CHRNA7: variants seen among roughly 807,000 people sequenced by gnomAD.
The protein encoded by CHRNA7 is cholinergic receptor nicotinic alpha 7 subunit, also known as neuronal acetylcholine receptor subunit alpha-7.
CHRNA7 carries 17 observed loss-of-function variants against 48.0 expected under a neutral mutation model. The observed-to-expected ratio is 0.35, with a 90% CI of 0.24 to 0.53. The LOEUF (loss-of-function observed/expected upper bound fraction) is 0.53. Ranked by LOEUF, CHRNA7 falls within the 20% of genes least tolerant of loss-of-function variation. CHRNA7 has a pLI of 0.92. For synonymous variants in CHRNA7, 75 were observed against 242.3 expected, an observed-to-expected ratio of 0.31 and a Z score of 6.41; for missense variants, 155 against 577.7, an observed-to-expected ratio of 0.27 and a Z score of 7.50.
At chr15:32,123,721 G>A (rs1005615132) in intron 4 of CHRNA7, among the ~76,000 whole-genome samples, 4 of 151,996 alleles carry the variant, frequency 2.6e-5, no homozygotes, top group African/African-American at 7.3e-5. Context: ...CCTAGAAACC[G>A]ATTTGTTCTT....
chr15:32,124,373 G>A (rs745921142), intron 4 of CHRNA7, among the ~76,000 whole-genome samples: 13 of 152,144 alleles, frequency 8.5e-5, no homozygotes, highest in Non-Finnish European at 1.3e-4. Flanking sequence ...CAGTGTGACT[G>A]CAAAAAATAC....
At chr15:32,036,418 C>T (rs1283228956) in intron 2 of CHRNA7, among the ~76,000 whole-genome samples, 1 of 152,118 alleles carries the variant, frequency 6.6e-6, no homozygotes, top group East Asian at 1.9e-4. Context: ...TTTACGTGAA[C>T]ATAAGGTTTC....
rs1233333057 is a variant in CHRNA7, at chr15:32,170,375, C to G, written c.*1917C>G. 1.4e-5 allele frequency: 2 copies of G among 143,654 alleles called. No homozygotes were observed. The highest frequency in any genetic ancestry group is 1.4e-4 in the Admixed American group (2 of 14,418). 8.9% of individuals were successfully genotyped at this position (143,654 alleles called of 1,614,324 possible). On this transcript the variant is annotated 3_prime_UTR_variant, in exon 10 of 10. Coordinates refer to ENST00000306901, the MANE Select transcript of CHRNA7 (RefSeq NM_000746.6). ...GGCGGCTTGGAGCAGGATCATTCCTCAGCAGGCATTCCTTCCACATGCTAT... is the reference window on the plus strand; with the variant it reads ...GGCGGCTTGGAGCAGGATCATTCCTGAGCAGGCATTCCTTCCACATGCTAT...
chr15:32,071,654 T>A (rs1263606681), intron 2 of CHRNA7, among the ~76,000 whole-genome samples: 1 of 152,084 alleles, frequency 6.6e-6, no homozygotes, highest in Non-Finnish European at 1.5e-5. Flanking sequence ...GAGCTGGTTG[T>A]TCAAAAGAGC....
chr15:32,080,399 G>A (rs968080654), intron 2 of CHRNA7, among the ~76,000 whole-genome samples: 2 of 152,108 alleles, frequency 1.3e-5, no homozygotes, highest in Admixed American at 6.6e-5. Context: ...CTGTCCATCT[G>A]ACAAAGGTCT....
chr15:32,063,905 G>A (rs1028064198), intron 2 of CHRNA7, among the ~76,000 whole-genome samples: 1 of 152,160 alleles, frequency 6.6e-6, no homozygotes, highest in African/African-American at 2.4e-5. Context: ...TTCTCCATTT[G>A]TGGATCCAGA....
intron 2 of CHRNA7, among the ~76,000 whole-genome samples, chr15:32,097,253 C>G (rs910210057): frequency 1.3e-5 from 2 of 152,102 alleles, no homozygotes; most frequent in Non-Finnish European, 2.9e-5. Context: ...GCAGGAATAG[C>G]CAGGGGGGCA....
chr15:32,150,318 A>G (rs554523564), intron 4 of CHRNA7, among the ~76,000 whole-genome samples: 1 of 152,302 alleles, frequency 6.6e-6, no homozygotes, highest in South Asian at 2.1e-4. Context: ...TGGGCCTCCC[A>G]AAGTGCTAAT....
In CHRNA7 at chr15:32,158,440, CTA is replaced by C. The variant is rs2051802360; in HGVS notation, c.629_630del (p.Tyr210Ter). 1 of 1,613,698 alleles carries C rather than the reference CTA, an allele frequency of 6.2e-7. No individual in the cohort carries two copies. Among genetic ancestry groups the C allele is most frequent in the Non-Finnish European group, 8.5e-7 (1 of 1,179,864 alleles). ...TCCCCGGCAAGAGGAGTGAAAGGTT[CTA>C]TGAGTGCTGCAAAGAGCCCTACCCC... ...GIPGKRSERF[Y>X]ECCKEPYPDV... On this transcript the variant is annotated frameshift_variant, in exon 7 of 10. Transcript: ENST00000306901. LOFTEE classifies it high-confidence loss of function.
At chr15:32,039,543 A>C (rs999789729) in intron 2 of CHRNA7, among the ~76,000 whole-genome samples, 4 of 152,140 alleles carry the variant, frequency 2.6e-5, no homozygotes, top group Non-Finnish European at 5.9e-5. Context: ...CATATTGTCT[A>C]ATCTCCACGT....
intron 4 of CHRNA7, among the ~76,000 whole-genome samples, chr15:32,118,332 T>C (rs915590524): frequency 1.6e-4 from 25 of 152,230 alleles, no homozygotes; most frequent in African/African-American, 4.8e-4. Flanking sequence ...CATCCTGTTA[T>C]AAGCAACAGA....
At chr15:32,083,251 C>T (rs1161800797) in intron 2 of CHRNA7, among the ~76,000 whole-genome samples, 1 of 151,964 alleles carries the variant, frequency 6.6e-6, no homozygotes, top group Non-Finnish European at 1.5e-5. Flanking sequence ...GATAAATTAT[C>T]TCAAGAGTGG....
At chr15:32,117,930 G>A (rs1214368617) in intron 4 of CHRNA7, among the ~76,000 whole-genome samples, 1 of 151,992 alleles carries the variant, frequency 6.6e-6, no homozygotes, top group African/African-American at 2.4e-5. Flanking sequence ...GCTATAGTTT[G>A]AATATTTGTC....
chr15:32,050,831 A>G (rs1309853821), intron 2 of CHRNA7, among the ~76,000 whole-genome samples: 2 of 152,016 alleles, frequency 1.3e-5, no homozygotes, highest in Non-Finnish European at 2.9e-5. Context: ...TTTGGTGTGG[A>G]TGTCCTGTCT....
rs2049774663 is a variant in CHRNA7 at position 32,055,677 on chromosome 15, A to G, written c.195+24640A>G. Reference sequence around the variant, plus strand: ...TTCAGCATGAGTTTTGGAGGGGTCAAACATTCAAACCATTGCAGTTGGCCA... The same window carrying G: ...TTCAGCATGAGTTTTGGAGGGGTCAGACATTCAAACCATTGCAGTTGGCCA... On this transcript the variant is annotated intron_variant, in intron 2 of 9. Transcript: ENST00000306901. Among the ~76,000 whole-genome samples the G allele has an allele frequency of 2.6e-5, 4 of 152,292 alleles. 1 individual carries two copies. The Middle Eastern group carries it at 0.014, about 518-fold the overall frequency.
rs911229468 is a variant in CHRNA7 at position 32,048,243 on chromosome 15, C to T, written c.195+17206C>T. ...TTGATTGGAATAGTTTCAGAAGGAA[C>T]GGTACCAGTTCCTCCTTGTACCTCT... On this transcript the variant is annotated intron_variant, in intron 2 of 9. Transcript: ENST00000306901. Among the ~76,000 whole-genome samples the T allele has an allele frequency of 8.8e-4, 134 of 152,228 alleles. 1 individual carries two copies. Among genetic ancestry groups the T allele is most frequent in the Admixed American group, 3.7e-3 (56 of 15,290 alleles).
chr15:32,081,099 A>G (rs1004985014), intron 2 of CHRNA7, among the ~76,000 whole-genome samples: 3 of 152,198 alleles, frequency 2.0e-5, no homozygotes, highest in Admixed American at 6.5e-5. Context: ...ACACATGGAC[A>G]TGGGGTAAAG....
At chr15:32,112,920 T>C (rs188116555) in intron 4 of CHRNA7, among the ~76,000 whole-genome samples, 8 of 152,210 alleles carry the variant, frequency 5.3e-5, no homozygotes, top group Non-Finnish European at 1.2e-4. Context: ...CCTCTTCTCA[T>C]TTGCTGCCAC....
intron 2 of CHRNA7, among the ~76,000 whole-genome samples, chr15:32,040,600 G>C (rs28883268): frequency 1.1e-5 from 1 of 91,356 alleles, no homozygotes; most frequent in African/African-American, 2.7e-5. Flanking sequence ...GTGTGTATAT[G>C]TGTGTATGTG....
Sources: allele counts gnomAD v4.1 joint callset (sites outside exome capture counted in the v4.1 genomes callset), GRCh38; gene constraint gnomAD v4.1.1; transcripts MANE v1.5; gene names NCBI Gene and HGNC (gene_info 2026-07-23, HGNC 2026-07-21).